RB1CC1: variants seen among roughly 807,000 people sequenced by gnomAD.
The protein encoded by RB1CC1 is RB1-inducible coiled-coil protein 1.
Under a neutral mutation model 177.5 loss-of-function variants are expected in RB1CC1, and 46 were observed. The observed-to-expected ratio is 0.26, with a 90% CI of 0.20 to 0.33. The LOEUF (loss-of-function observed/expected upper bound fraction) is 0.33, where lower values mean the gene tolerates loss of function less well. RB1CC1 is among the 10% of genes least tolerant of loss of function. RB1CC1 has a pLI of 1.00. For synonymous variants in RB1CC1, 666 were observed against 613.6 expected, an observed-to-expected ratio of 1.09 and a Z score of -1.26; for missense variants, 1,703 against 1,816.3, an observed-to-expected ratio of 0.94 and a Z score of 1.13.
intron 3 of RB1CC1, 149 bp downstream of exon 3, chr8:52,685,250 C>T (rs1591082758): frequency 2.1e-5 from 12 of 561,100 alleles, no homozygotes; most frequent in East Asian, 3.4e-5. Context: ...GTGATCCGCC[C>T]GCCTCAGCCT....
chr8:52,709,148 G>A (rs368652776), intron 1 of RB1CC1, among the ~76,000 whole-genome samples: 9 of 151,836 alleles, frequency 5.9e-5, no homozygotes, highest in Non-Finnish European at 1.2e-4. Context: ...CAGAGGTTGC[G>A]GTCAGCTGAG....
chr8:52,642,720 T>C lies in RB1CC1; in HGVS notation c.4080A>G (p.Gln1360=), dbSNP rs1483309005. ...LSDKLKSTMQ[Q]QERDKDLIES... is the part of the protein sequence containing the mutation. ...AGTACAAACCTTTATCCCGTTCTTGTTGCTGCATTGTACTTTTCAACTTAT... is the reference window on the plus strand; with the variant it reads ...AGTACAAACCTTTATCCCGTTCTTGCTGCTGCATTGTACTTTTCAACTTAT... The change falls in exon 17 of 24, where the codon CAA becomes CAG. Residue 1360 remains glutamine (Q), a synonymous_variant. Coordinates refer to ENST00000025008, the MANE Select transcript of RB1CC1 (RefSeq NM_014781.5). 1 of 1,577,932 alleles carries C rather than the reference T, an allele frequency of 6.3e-7. No individual in the cohort carries two copies. Among genetic ancestry groups the C allele is most frequent in the Non-Finnish European group, 8.6e-7 (1 of 1,169,398 alleles).
chr8:52,673,770 A>G, intron 7 of RB1CC1, 75 bp downstream of exon 7: 1 of 1,332,096 alleles, frequency 7.5e-7, no homozygotes, highest in Non-Finnish European at 1.0e-6. Context: ...CCATTCTCTC[A>G]GTACATAAAA....
chr8:52,686,505 C>A (rs2150608975), intron 2 of RB1CC1, among the ~76,000 whole-genome samples: 1 of 152,116 alleles, frequency 6.6e-6, no homozygotes, highest in Admixed American at 6.5e-5. Context: ...ACGATTGTGC[C>A]ACTGCACTCC....
At chr8:52,689,647 C>T (rs1175896645) in intron 1 of RB1CC1, among the ~76,000 whole-genome samples, 3 of 152,080 alleles carry the variant, frequency 2.0e-5, no homozygotes, top group African/African-American at 7.2e-5. Flanking sequence ...AACTTTTCAC[C>T]CTCATCCTCT....
At chr8:52,651,408 A>T (rs1850571940) in intron 15 of RB1CC1, among the ~76,000 whole-genome samples, 1 of 152,242 alleles carries the variant, frequency 6.6e-6, no homozygotes, top group Non-Finnish European at 1.5e-5. Flanking sequence ...GGTAGTTTGG[A>T]TAGAGGCCAT....
chr8:52,662,993 C>A (rs1851759214), intron 8 of RB1CC1, among the ~76,000 whole-genome samples: 1 of 152,000 alleles, frequency 6.6e-6, no homozygotes, highest in African/African-American at 2.4e-5. Flanking sequence ...ACACCAAAAG[C>A]ATGTAAGTAC....
At chr8:52,652,252 G>T (rs568002989) in intron 15 of RB1CC1, among the ~76,000 whole-genome samples, 1 of 151,970 alleles carries the variant, frequency 6.6e-6, no homozygotes, top group Admixed American at 6.6e-5. Context: ...AGATCACAAG[G>T]TCAGGAGATC....
In RB1CC1 at chr8:52,673,999, T is replaced by C; in HGVS notation, c.848A>G (p.Gln283Arg). 6.2e-7 allele frequency: 1 copy of C among 1,614,198 alleles called. No homozygotes were observed. Among genetic ancestry groups the C allele is most frequent in the Non-Finnish European group, 8.5e-7 (1 of 1,180,036 alleles). Residue 283 changes from glutamine (Q) to arginine (R), a missense_variant, in exon 7 of 24, where the codon CAA becomes CGA. Coordinates refer to ENST00000025008, the MANE Select transcript of RB1CC1 (RefSeq NM_014781.5). ...TTCATCTTGCTGATGAACAGTACTT[T>C]GACAAGATTCCCTAATTTCTTTGCC... ...ESGKEIRESC[Q>R]STVHQQDETT...
At position 52,646,436 on chromosome 8, in the gene RB1CC1, C is replaced by A. The variant is rs151083270; in HGVS notation, c.3822-569G>T. 4.6e-5 allele frequency among the ~76,000 whole-genome samples: 7 copies of A among 151,748 alleles called. No individual in the cohort carries two copies. In the East Asian group the frequency reaches 1.2e-3, roughly 25 times the overall value. On this transcript the variant is annotated intron_variant, in intron 15 of 23. Coordinates refer to ENST00000025008, the MANE Select transcript of RB1CC1 (RefSeq NM_014781.5). ...GGAAAAAGTATTTTCTGGTAAGGGA[C>A]TATACACATAAGAGATAGGTAAACT...
chr8:52,703,355 T>C (rs966040524), intron 1 of RB1CC1, among the ~76,000 whole-genome samples: 15 of 152,168 alleles, frequency 9.9e-5, no homozygotes, highest in African/African-American at 3.6e-4. Flanking sequence ...TAATCTTAGA[T>C]TCTTTTAATG....
chr8:52,705,479 C>A (rs1856462369), intron 1 of RB1CC1, among the ~76,000 whole-genome samples: 1 of 152,174 alleles, frequency 6.6e-6, no homozygotes. Context: ...AGTGGGTCCA[C>A]TGGCACATTT....
intron 1 of RB1CC1, among the ~76,000 whole-genome samples, 176 bp from the exon 2 acceptor site, chr8:52,687,143 G>A (rs1166334616): frequency 2.0e-5 from 3 of 151,952 alleles, no homozygotes; most frequent in Non-Finnish European, 4.4e-5. Context: ...ATCAATCCAT[G>A]GCATCAAACA....
intron 8 of RB1CC1, among the ~76,000 whole-genome samples, chr8:52,663,092 T>C (rs533541616): frequency 6.6e-6 from 1 of 152,226 alleles, no homozygotes; most frequent in East Asian, 1.9e-4. Context: ...TCAGACTAAA[T>C]AGAAAAAATC....
At chr8:52,712,397 A>G (rs1271299986) in intron 1 of RB1CC1, among the ~76,000 whole-genome samples, 1 of 151,950 alleles carries the variant, frequency 6.6e-6, no homozygotes, top group Non-Finnish European at 1.5e-5. Context: ...TTAGGTTCAA[A>G]ATTTCGAAAA....
At position 52,656,500 on chromosome 8, in the gene RB1CC1, T is replaced by A; in HGVS notation, c.3329A>T (p.Lys1110Met). The A allele has an allele frequency of 1.9e-6, 3 of 1,611,304 alleles. No homozygotes were observed. Among genetic ancestry groups the A allele is most frequent in the Non-Finnish European group, 2.5e-6 (3 of 1,179,712 alleles). ...LRTEISKLNQ[K>M]IQDNNENYQV... ...ATAATTTTCATTATTATCCTGAATCTTTTGGTTGAGTTTACTAATTTCTGT... is the reference window on the plus strand; with the variant it reads ...ATAATTTTCATTATTATCCTGAATCATTTGGTTGAGTTTACTAATTTCTGT... The change falls in exon 15 of 24, where the codon AAG becomes ATG. Residue 1110 changes from lysine (K) to methionine (M), a missense_variant. Around this residue, in one of 6 missense-constraint regions of RB1CC1, gnomAD observed 1,169 missense variants for 1,184.7 expected, o/e 0.99. Coordinates refer to ENST00000025008, the MANE Select transcript of RB1CC1 (RefSeq NM_014781.5).
At chr8:52,639,769 T>C (rs1233441462) in intron 18 of RB1CC1, among the ~76,000 whole-genome samples, 2 of 152,182 alleles carry the variant, frequency 1.3e-5, no homozygotes, top group South Asian at 2.1e-4. Flanking sequence ...TTAGGTATTG[T>C]ACTGTTTAGT....
chr8:52,671,088 G>A (rs191646679), intron 7 of RB1CC1, among the ~76,000 whole-genome samples: 4 of 152,176 alleles, frequency 2.6e-5, no homozygotes, highest in South Asian at 2.1e-4. Context: ...TACAAAACTA[G>A]CATCTCTTAA....
At chr8:52,652,379 T>A (rs1029051898) in intron 15 of RB1CC1, among the ~76,000 whole-genome samples, 2 of 146,370 alleles carry the variant, frequency 1.4e-5, no homozygotes, top group African/African-American at 5.1e-5. Flanking sequence ...GGCAGGAGAA[T>A]CACTTGAACC....
Sources: allele counts gnomAD v4.1 joint callset (sites outside exome capture counted in the v4.1 genomes callset), GRCh38; gene constraint gnomAD v4.1.1; regional missense constraint gnomAD v4.1.1; transcripts MANE v1.5; gene names NCBI Gene and HGNC (gene_info 2026-07-23, HGNC 2026-07-21).